COL19A1: variants seen among roughly 807,000 people sequenced by gnomAD.
The protein encoded by COL19A1 is collagen type XIX alpha 1 chain.
COL19A1 carries 159 observed loss-of-function variants against 190.2 expected under a neutral mutation model. The observed-to-expected ratio is 0.84, with a 90% confidence interval of 0.73 to 0.95. The LOEUF is 0.95. Ranked by LOEUF, COL19A1 falls within the 40% of genes least tolerant of loss-of-function variation. The probability of loss-of-function intolerance (pLI) is 0.00; values close to 1 mark genes in which losing one functional copy is unlikely to be tolerated. For synonymous variants in COL19A1, 509 were observed against 458.9 expected, an observed-to-expected ratio of 1.11 and a Z score of -1.39; for missense variants, 1,418 against 1,431.9, an observed-to-expected ratio of 0.99 and a Z score of 0.16.
intron 11 of COL19A1, 56 bp from the exon 12 acceptor site, chr6:70,023,571 G>A: frequency 7.0e-7 from 1 of 1,435,752 alleles, no homozygotes; most frequent in Non-Finnish European, 9.6e-7. Context: ...TTTATTTTTT[G>A]CTAGCAAAGG....
chr6:70,039,918 A>G (rs1779552484), intron 14 of COL19A1, among the ~76,000 whole-genome samples: 1 of 128,016 alleles, frequency 7.8e-6, no homozygotes. Context: ...GGTTGGCACT[A>G]TGCCCAGCTA....
chr6:70,156,011 AC>A (rs1787406810), intron 31 of COL19A1, 115 bp from the exon 32 acceptor site: 1 of 738,946 alleles, frequency 1.4e-6, no homozygotes, highest in Admixed American at 3.0e-5. Flanking sequence ...AAGCAGAATG[AC>A]CTATCTATAT....
At chr6:70,058,393 A>G (rs576424515) in intron 14 of COL19A1, among the ~76,000 whole-genome samples, 1 of 152,150 alleles carries the variant, frequency 6.6e-6, no homozygotes, top group Admixed American at 6.6e-5. Flanking sequence ...TACAATTGGT[A>G]ATGATTGAAT....
chr6:69,928,145 C>A (rs1772518403), intron 5 of COL19A1, 113 bp downstream of exon 5: 7 of 1,335,856 alleles, frequency 5.2e-6, no homozygotes, highest in South Asian at 4.5e-5. Context: ...AATGTTCTAT[C>A]CTTTAGAGGG....
chr6:70,127,615 C>T (rs753778069), intron 17 of COL19A1, among the ~76,000 whole-genome samples: 65 of 152,178 alleles, frequency 4.3e-4, no homozygotes, highest in Non-Finnish European at 7.4e-4. Context: ...GAAAACGTTT[C>T]ATGGACTCAC....
Position 70,009,604 on chromosome 6 carries a change from C to G in COL19A1, c.1027-14023C>G, listed in dbSNP as rs571047818. On this transcript the variant is annotated intron_variant, in intron 11 of 50. Transcript: ENST00000620364. ...AAATGCAACAAATTTTTCTAGCCATCATGTGTAAATGCAAATGACCTGGTA... is the reference window on the plus strand; with the variant it reads ...AAATGCAACAAATTTTTCTAGCCATGATGTGTAAATGCAAATGACCTGGTA... Among the ~76,000 whole-genome samples the G allele has an allele frequency of 7.2e-5, 11 of 152,112 alleles. No homozygotes were observed. The South Asian group carries it at 2.3e-3, about 32-fold the overall frequency.
intron 4 of COL19A1, among the ~76,000 whole-genome samples, chr6:69,912,553 A>T (rs1000625834): frequency 6.6e-6 from 1 of 152,134 alleles, no homozygotes; most frequent in African/African-American, 2.4e-5. Flanking sequence ...ACTCTGTGAG[A>T]CCCAACCAAC....
intron 5 of COL19A1, 78 bp from the exon 6 acceptor site, chr6:69,929,347 T>C: frequency 1.4e-6 from 2 of 1,413,342 alleles, no homozygotes; most frequent in Middle Eastern, 5.0e-4. Context: ...AATATGCATC[T>C]TGAGCTTTTC....
intron 15 of COL19A1, among the ~76,000 whole-genome samples, chr6:70,087,519 C>A (rs1313508078): frequency 6.6e-6 from 1 of 152,036 alleles, no homozygotes; most frequent in East Asian, 1.9e-4. Context: ...GTCAGAGAGT[C>A]CACACGGAAA....
chr6:70,169,068 C>A (rs929542886), intron 40 of COL19A1, among the ~76,000 whole-genome samples: 3 of 64,354 alleles, frequency 4.7e-5, no homozygotes, highest in African/African-American at 1.3e-4. Flanking sequence ...CTGCCATCTC[C>A]CCAACAAAAA....
chr6:70,094,471 G>A (rs1479939858), intron 15 of COL19A1, among the ~76,000 whole-genome samples: 3 of 152,164 alleles, frequency 2.0e-5, no homozygotes, highest in Admixed American at 1.3e-4. Flanking sequence ...CCAGTTTAAA[G>A]AGAGTACTTA....
chr6:69,908,588 T>A (rs189942501), intron 4 of COL19A1, among the ~76,000 whole-genome samples: 10 of 152,280 alleles, frequency 6.6e-5, no homozygotes, highest in African/African-American at 1.7e-4. Context: ...AATTCAGAAT[T>A]GTTAATAGGC....
intron 11 of COL19A1, among the ~76,000 whole-genome samples, chr6:69,991,322 T>G (rs2150074274): frequency 6.6e-6 from 1 of 152,240 alleles, no homozygotes; most frequent in South Asian, 2.1e-4. Flanking sequence ...ATTCCATGTC[T>G]TTGCTATTGT....
At chr6:70,113,842 CTTTTTT>C (rs34876942) in intron 16 of COL19A1, among the ~76,000 whole-genome samples, 1 of 64,136 alleles carries the variant, frequency 1.6e-5, no homozygotes. Flanking sequence ...CCAAGTCTTT[CTTTTTT>C]TTTTTTTTTT....
At chr6:70,006,211 C>A (rs1403219809) in intron 11 of COL19A1, among the ~76,000 whole-genome samples, 2 of 152,188 alleles carry the variant, frequency 1.3e-5, no homozygotes, top group Non-Finnish European at 2.9e-5. Context: ...GCTCAGCAGG[C>A]TTAAGCAGAT....
intron 4 of COL19A1, among the ~76,000 whole-genome samples, chr6:69,914,487 C>T (rs1771164801): frequency 1.3e-5 from 2 of 152,208 alleles, no homozygotes; most frequent in African/African-American, 2.4e-5. Flanking sequence ...CTCACTGATA[C>T]TTGTAAATAC....
chr6:70,194,106 A>C (rs999325647), intron 48 of COL19A1, among the ~76,000 whole-genome samples: 1 of 152,172 alleles, frequency 6.6e-6, no homozygotes, highest in Non-Finnish European at 1.5e-5. Context: ...TCTCTGCTGC[A>C]CGCATCCCTG....
At chr6:69,905,846 T>G (rs1238048692) in intron 4 of COL19A1, among the ~76,000 whole-genome samples, 1 of 152,176 alleles carries the variant, frequency 6.6e-6, no homozygotes, top group South Asian at 2.1e-4. Context: ...TAGCAAATGG[T>G]AAGTATTTGG....
At chr6:70,191,380 G>A (rs514586) in intron 48 of COL19A1, among the ~76,000 whole-genome samples, 17,625 of 151,992 alleles carry the variant, frequency 0.12, 2,493 homozygotes, top group African/African-American at 0.33. Context: ...TTCATATCTT[G>A]TTCCAACCTG....
Sources: gnomAD v4.1 joint callset for allele counts (sites outside exome capture counted in the v4.1 genomes callset) on GRCh38, gnomAD v4.1.1 for gene constraint, MANE v1.5 for transcripts, NCBI Gene and HGNC (gene_info 2026-07-23, HGNC 2026-07-21) for gene names.